KIFBP: variants seen among roughly 807,000 people sequenced by gnomAD.
KIFBP encodes kinesin family binding protein.
A neutral mutation model predicts 58.9 loss-of-function variants in KIFBP; 46 were observed. The ratio of observed to expected loss-of-function variants is 0.78; its 90% confidence interval spans 0.62 to 1.00. The LOEUF (loss-of-function observed/expected upper bound fraction) is 1.00, where lower values mean the gene tolerates loss of function less well. Among genes scored for constraint, KIFBP ranks in the 50% least tolerant of loss-of-function variants. The pLI, the probability that KIFBP is intolerant of heterozygous loss-of-function variation, is 0.00. For synonymous variants in KIFBP, 241 were observed against 283.4 expected (o/e 0.85, Z 1.50); for missense variants, 651 against 752.9 (o/e 0.86, Z 1.58).
At chr10:68,993,000 T>G (rs189689153) in intron 1 of KIFBP, among the ~76,000 whole-genome samples, 14 of 152,166 alleles carry the variant, frequency 9.2e-5, no homozygotes, top group Admixed American at 2.0e-4. Context: ...TCAAGATAAT[T>G]TACTCTCTTG....
chr10:69,001,077 T>C (rs1843460292), intron 2 of KIFBP, among the ~76,000 whole-genome samples: 1 of 152,178 alleles, frequency 6.6e-6, no homozygotes, highest in South Asian at 2.1e-4. Flanking sequence ...AGTACTATAC[T>C]GTACTTTGAG....
rs10700812 is a variant in KIFBP at position 69,011,395 on chromosome 10, C to CTTTT, written c.990+394_990+397dup. 8.8e-4 allele frequency: 114 copies of CTTTT among 130,002 alleles called. 2 individuals are homozygous for CTTTT. The highest frequency in any genetic ancestry group is 1.8e-3 in the South Asian group (10 of 5,534). 8.1% of individuals were successfully genotyped at this position (130,002 alleles called of 1,614,324 possible). ...TGAGAGCTGGGAACGATATCATATT[C>CTTTT]TTTTTTTTTTTTTTTTTAGACAGGC... On this transcript the variant is annotated intron_variant, in intron 6 of 6. Coordinates refer to ENST00000361983, the MANE Select transcript of KIFBP (RefSeq NM_015634.4).
At chr10:69,004,932 A>G (rs1843514828) in intron 2 of KIFBP, 114 bp from the exon 3 acceptor site, 2 of 710,056 alleles carry the variant, frequency 2.8e-6, no homozygotes, top group Non-Finnish European at 2.5e-6. Flanking sequence ...ATGAACTAGG[A>G]AAAAATGAAA....
At chr10:68,990,593 G>A (rs1470812498) in intron 1 of KIFBP, among the ~76,000 whole-genome samples, 2 of 152,022 alleles carry the variant, frequency 1.3e-5, no homozygotes, top group East Asian at 1.9e-4. Context: ...GTCAACACCT[G>A]TGAAAAGAAG....
At chr10:68,994,141 G>T (rs932676109) in intron 1 of KIFBP, among the ~76,000 whole-genome samples, 1 of 151,750 alleles carries the variant, frequency 6.6e-6, no homozygotes, top group Non-Finnish European at 1.5e-5. Context: ...AGCTAAGATG[G>T]TGTCACTGCA....
chr10:68,994,855 C>T (rs1843387602), intron 1 of KIFBP, among the ~76,000 whole-genome samples: 1 of 151,596 alleles, frequency 6.6e-6, no homozygotes, highest in African/African-American at 2.4e-5. Context: ...CTCCCTCTCT[C>T]CTATATTCTT....
In KIFBP at chr10:68,992,484, C is replaced by T. The variant is rs79704173; in HGVS notation, c.426+3226C>T. 6.1e-3 allele frequency among the ~76,000 whole-genome samples: 929 copies of T among 152,252 alleles called. 10 individuals carry two copies. Among genetic ancestry groups the T allele is most frequent in the African/African-American group, 0.021 (871 of 41,536 alleles). On this transcript the variant is annotated intron_variant, in intron 1 of 6. Coordinates refer to ENST00000361983, the MANE Select transcript of KIFBP (RefSeq NM_015634.4). ...TTTTTTGTTTCAAGACTTAAAACTA[C>T]CTCAAGAAGAACAATCTAATGTAAC...
Position 68,989,247 on chromosome 10 carries a change from A to G in KIFBP, c.415A>G (p.Ile139Val), listed in dbSNP as rs781131113. 1 of 1,613,222 alleles carries G rather than the reference A, an allele frequency of 6.2e-7. No individual in the cohort carries two copies. The highest frequency in any genetic ancestry group is 8.5e-7 in the Non-Finnish European group (1 of 1,179,868). ...CTCGCACGACTGCATCTCTCTCTGC[A>G]TCCAGGCGCAGGTGAGAGCGAGCCC... is the stretch of plus-strand genomic sequence containing the variant. ...RLSHDCISLC[I>V]QAQNNLGILW... The change falls in exon 1 of 7, where the codon ATC becomes GTC. Residue 139 changes from isoleucine (I) to valine (V), a missense_variant. Transcript: ENST00000361983.
At chr10:68,996,002 A>G (rs1180207331) in intron 1 of KIFBP, among the ~76,000 whole-genome samples, 1 of 152,094 alleles carries the variant, frequency 6.6e-6, no homozygotes, top group Non-Finnish European at 1.5e-5. Flanking sequence ...TACTAAAAAT[A>G]CAAAAATTAG....
chr10:68,990,490 A>G (rs1232606852), intron 1 of KIFBP, among the ~76,000 whole-genome samples: 1 of 152,182 alleles, frequency 6.6e-6, no homozygotes, highest in Non-Finnish European at 1.5e-5. Flanking sequence ...TGGAGGAGCC[A>G]TGATCATGCC....
Position 69,015,643 on chromosome 10 carries a change from T to A in KIFBP, c.1093T>A (p.Phe365Ile), listed in dbSNP as rs374297499. 6 of 1,613,938 alleles carry A rather than the reference T, an allele frequency of 3.7e-6. No homozygotes were observed. The African/African-American group carries it at 4.0e-5, about 11-fold the overall frequency. Reference sequence around the variant, plus strand: ...AAGCATTCGGAAAAAAGCTGTGCAGTTTGGAACCGGTGAACTGTGTGATGC... The same window carrying A: ...AAGCATTCGGAAAAAAGCTGTGCAGATTGGAACCGGTGAACTGTGTGATGC... ...EESIRKKAVQ[F>I]GTGELCDAIS... Residue 365 changes from phenylalanine to isoleucine, a missense_variant, in exon 7 of 7, where the codon TTT becomes ATT. Transcript: ENST00000361983.
chr10:69,014,283 A>T (rs7078237), intron 6 of KIFBP, among the ~76,000 whole-genome samples: 55,975 of 151,966 alleles, frequency 0.37, 10,879 homozygotes, highest in East Asian at 0.56. Context: ...GAGACACATG[A>T]TATGAGAAGG....
intron 1 of KIFBP, 137 bp downstream of exon 1, chr10:68,989,395 A>G: frequency 3.1e-6 from 3 of 972,844 alleles, no homozygotes; most frequent in Admixed American, 2.1e-5. Flanking sequence ...TGAGTCCCAA[A>G]GAGCGTCTGT....
intron 5 of KIFBP, 26 bp downstream of exon 5, chr10:69,008,951 A>G (rs1439552883): frequency 3.8e-6 from 6 of 1,559,978 alleles, no homozygotes; most frequent in South Asian, 1.1e-5. Flanking sequence ...CATGTTTTAC[A>G]TAGCTTTTAA....
rs2132104473 is a variant in KIFBP at position 68,989,072 on chromosome 10, G to A, written c.240G>A (p.Val80=). 6.2e-7 allele frequency: 1 copy of A among 1,611,998 alleles called. No individual in the cohort carries two copies. The highest frequency in any genetic ancestry group is 8.5e-7 in the Non-Finnish European group (1 of 1,178,668). Residue 80 remains valine (V), a synonymous_variant, in exon 1 of 7, where the codon GTG becomes GTA. Coordinates refer to ENST00000361983, the MANE Select transcript of KIFBP (RefSeq NM_015634.4). ...ACGCCCTGGGGCTGCCGGCTGAGGT[G>A]GTGGAGCCCGAGGGGCCCGTCGCCC... ...GDHALGLPAE[V]VEPEGPVAQR...
At chr10:69,011,910 C>T (rs1381892127) in intron 6 of KIFBP, among the ~76,000 whole-genome samples, 3 of 144,126 alleles carry the variant, frequency 2.1e-5, no homozygotes, top group Admixed American at 6.9e-5. Flanking sequence ...AAGCTGGTCT[C>T]GAACTCCTGA....
intron 5 of KIFBP, among the ~76,000 whole-genome samples, chr10:69,009,858 C>T (rs12763499): frequency 0.1 from 15,494 of 152,040 alleles, 996 homozygotes; most frequent in Admixed American, 0.16. Flanking sequence ...AACCTTCTTA[C>T]GATGTTTTAG....
At position 69,008,835 on chromosome 10, in the gene KIFBP, CAAT is replaced by C; in HGVS notation, c.790-4_790-2del. On this transcript the variant is annotated splice_polypyrimidine_tract_variant and splice_region_variant and intron_variant, in intron 4 of 6. Transcript: ENST00000361983. ...TTGCATTCACTGTTGTTTATTTCCC[CAAT>C]AGCTATGCTTTATGGAGGCCAGGCA... 1 of 1,609,666 alleles carries C rather than the reference CAAT, an allele frequency of 6.2e-7. No individual in the cohort carries two copies. The highest frequency in any genetic ancestry group is 8.5e-7 in the Non-Finnish European group (1 of 1,176,194).
chr10:68,994,047 T>C (rs1424592830), intron 1 of KIFBP, among the ~76,000 whole-genome samples: 2 of 152,084 alleles, frequency 1.3e-5, no homozygotes, highest in Non-Finnish European at 2.9e-5. Flanking sequence ...AAATTAGCTG[T>C]GTGTGGTGGC....
Sources: allele counts gnomAD v4.1 joint callset (sites outside exome capture counted in the v4.1 genomes callset), GRCh38; gene constraint gnomAD v4.1.1; transcripts MANE v1.5; gene names NCBI Gene and HGNC (gene_info 2026-07-23, HGNC 2026-07-21).